DCDC2: variants seen among roughly 807,000 people sequenced by gnomAD.
The protein encoded by DCDC2 is doublecortin domain-containing protein 2.
In DCDC2, 40 loss-of-function variants were observed where a neutral mutation model predicts 50.2. That is an observed-to-expected ratio of 0.80 (90% CI 0.62 to 1.04). The LOEUF is 1.04. Ranked by LOEUF, DCDC2 falls within the 50% of genes least tolerant of loss-of-function variation. DCDC2 has a pLI of 0.00. For missense variants in DCDC2, 570 were observed against 581.9 expected, an observed-to-expected ratio of 0.98 and a Z score of 0.21; for synonymous variants, 234 against 210.6, an observed-to-expected ratio of 1.11 and a Z score of -0.96.
chr6:24,205,403 G>A (rs1761698168), intron 7 of DCDC2: 1 of 1,347,774 alleles, frequency 7.4e-7, no homozygotes, highest in Non-Finnish European at 9.8e-7. Flanking sequence ...GCATTGAGAT[G>A]AGAAGAAATT....
intron 7 of DCDC2, among the ~76,000 whole-genome samples, chr6:24,243,845 A>T (rs1030205870): frequency 3.3e-5 from 5 of 152,322 alleles, no homozygotes; most frequent in Admixed American, 3.3e-4. Context: ...GGTTGAGTGA[A>T]CAGGGAAGAG....
At chr6:24,210,019 G>GTGTGTGT (rs1761824235) in intron 7 of DCDC2, among the ~76,000 whole-genome samples, 1 of 145,198 alleles carries the variant, frequency 6.9e-6, no homozygotes, top group Non-Finnish European at 1.5e-5. Context: ...GCAGTATCAG[G>GTGTGTGT]GTGTGTGTGT....
chr6:24,275,724 GAAC>G (rs966577879), intron 7 of DCDC2, among the ~76,000 whole-genome samples: 8 of 151,976 alleles, frequency 5.3e-5, no homozygotes, highest in African/African-American at 1.2e-4. Flanking sequence ...AAAAATAAAA[GAAC>G]AGGAAGGCTT....
At chr6:24,285,840 C>G (rs1347850445) in intron 6 of DCDC2, among the ~76,000 whole-genome samples, 1 of 152,078 alleles carries the variant, frequency 6.6e-6, no homozygotes, top group Non-Finnish European at 1.5e-5. Flanking sequence ...ATCGACTTTC[C>G]CTGTGACTTG....
At chr6:24,323,567 C>A (rs1759808033) in intron 2 of DCDC2, among the ~76,000 whole-genome samples, 1 of 152,148 alleles carries the variant, frequency 6.6e-6, no homozygotes, top group Non-Finnish European at 1.5e-5. Flanking sequence ...TTTCTAAAAT[C>A]ATTTCAAAAT....
intron 6 of DCDC2, among the ~76,000 whole-genome samples, chr6:24,279,063 G>C (rs1429028012): frequency 6.6e-6 from 1 of 152,104 alleles, no homozygotes; most frequent in African/African-American, 2.4e-5. Flanking sequence ...GCTGCCAAAA[G>C]TGGGCTCCTC....
the DCDC2 span, among the ~76,000 whole-genome samples, chr6:24,377,642 T>C: frequency 1.3e-5 from 2 of 152,338 alleles, no homozygotes; most frequent in Admixed American, 1.3e-4. Flanking sequence ...ACTTAATTTT[T>C]GTAAGCCTTA....
chr6:24,358,815 A>AAT (rs773876818), upstream of DCDC2, among the ~76,000 whole-genome samples: 32,571 of 50,748 alleles, frequency 0.64, 10,446 homozygotes, highest in East Asian at 0.84. Flanking sequence ...ATTATATATA[A>AAT]ATATATATAT....
intron 7 of DCDC2, among the ~76,000 whole-genome samples, chr6:24,253,455 A>C (rs1363016324): frequency 2.0e-5 from 3 of 152,216 alleles, no homozygotes; most frequent in Admixed American, 6.5e-5. Context: ...TGGATCACTT[A>C]ACAGGGATCT....
At chr6:24,217,494 A>G (rs1762008378) in intron 7 of DCDC2, among the ~76,000 whole-genome samples, 1 of 152,198 alleles carries the variant, frequency 6.6e-6, no homozygotes. Flanking sequence ...GTGATTCTGT[A>G]AACTGTGGTT....
intron 6 of DCDC2, 86 bp from the exon 7 acceptor site, chr6:24,278,297 A>T: frequency 2.3e-6 from 3 of 1,286,398 alleles, no homozygotes; most frequent in Non-Finnish European, 3.2e-6. Flanking sequence ...AACTACTGGT[A>T]AGCAGGGCAG....
At chr6:24,194,816 A>C (rs1412436068) in intron 8 of DCDC2, among the ~76,000 whole-genome samples, 11 of 152,166 alleles carry the variant, frequency 7.2e-5, no homozygotes, top group Admixed American at 7.2e-4. Context: ...GTTTTGAAAG[A>C]GTATCTTAGG....
At chr6:24,375,423 C>G in the DCDC2 span, among the ~76,000 whole-genome samples, 2 of 152,048 alleles carry the variant, frequency 1.3e-5, no homozygotes, top group Non-Finnish European at 2.9e-5. Flanking sequence ...GTAAACTCCC[C>G]CCCCCAACCC....
intron 8 of DCDC2, among the ~76,000 whole-genome samples, chr6:24,184,182 CA>C (rs1761142880): frequency 6.6e-6 from 1 of 152,164 alleles, no homozygotes; most frequent in South Asian, 2.1e-4. Context: ...AATTAATAAC[CA>C]AACAAGTCGC....
At chr6:24,285,969 A>G (rs1383435802) in intron 6 of DCDC2, among the ~76,000 whole-genome samples, 3 of 152,224 alleles carry the variant, frequency 2.0e-5, no homozygotes, top group African/African-American at 7.2e-5. Flanking sequence ...ATTCTGCTAC[A>G]AAGTCCTAAA....
chr6:24,305,280 G>A (rs1446003425), intron 2 of DCDC2, among the ~76,000 whole-genome samples: 5 of 152,044 alleles, frequency 3.3e-5, no homozygotes, highest in Non-Finnish European at 7.4e-5. Flanking sequence ...CATGGCAAAA[G>A]TGTTCCCCAA....
At chr6:24,221,558 T>C (rs978299214) in intron 7 of DCDC2, among the ~76,000 whole-genome samples, 2 of 152,174 alleles carry the variant, frequency 1.3e-5, no homozygotes, top group African/African-American at 4.8e-5. Context: ...CTGTTTCATA[T>C]CCACTTCCCC....
chr6:24,334,779 T>C (rs952868606), intron 2 of DCDC2, among the ~76,000 whole-genome samples: 1 of 152,204 alleles, frequency 6.6e-6, no homozygotes, highest in African/African-American at 2.4e-5. Flanking sequence ...CTCCAGCAAC[T>C]CTAAAAGTAC....
At chr6:24,301,097 C>T (rs1581640173) in intron 4 of DCDC2, among the ~76,000 whole-genome samples, 1 of 150,412 alleles carries the variant, frequency 6.6e-6, no homozygotes. Context: ...CTGGGCCGGG[C>T]TTGGTGGCTC....
Sources: allele counts gnomAD v4.1 joint callset (sites outside exome capture counted in the v4.1 genomes callset), GRCh38; gene constraint gnomAD v4.1.1; transcripts MANE v1.5; gene names NCBI Gene and HGNC (gene_info 2026-07-23, HGNC 2026-07-21).